ZNF785: variants seen among roughly 807,000 people sequenced by gnomAD.
The protein encoded by ZNF785 is zinc finger protein 785.
ZNF785 carries 15 observed loss-of-function variants against 11.3 expected under a neutral mutation model. The observed-to-expected ratio is 1.32, with a 90% CI of 0.89 to 2.04. The LOEUF is 2.04. ZNF785 is among the 30% of genes most tolerant of loss of function. The pLI is 0.00. For synonymous variants in ZNF785, 221 were observed against 231.0 expected (o/e 0.96, Z 0.39); for missense variants, 572 against 560.9 (o/e 1.02, Z -0.20).
At position 30,581,065 on chromosome 16, in the gene ZNF785, G is replaced by A. The variant is rs1039882937; in HGVS notation, c.*1495C>T. On this transcript the variant is annotated 3_prime_UTR_variant, in exon 3 of 3. Transcript: ENST00000395216. Reference sequence around the variant, plus strand: ...TGTAATCCCAGCTACTCAAGAGGCTGGGGCAGGAGAATCGCTTGAACCTAG... The same window carrying A: ...TGTAATCCCAGCTACTCAAGAGGCTAGGGCAGGAGAATCGCTTGAACCTAG... The A allele has an allele frequency of 6.6e-6, 1 of 152,114 alleles. No homozygotes were observed. Among genetic ancestry groups the A allele is most frequent in the African/African-American group, 2.4e-5 (1 of 41,372 alleles). 9.4% of individuals were successfully genotyped at this position (152,114 alleles called of 1,614,324 possible). A position where few individuals can be genotyped will look rare whatever the true frequency, so the allele number is the denominator to read the frequency against.
chr16:30,580,412 TG>T (rs2051792251), downstream of ZNF785, among the ~76,000 whole-genome samples: 1 of 148,362 alleles, frequency 6.7e-6, no homozygotes, highest in African/African-American at 2.5e-5. Context: ...TGGAGTGCAG[TG>T]GCGCAGTCTC....
At chr16:30,583,634 G>A (rs907640569) in intron 2 of ZNF785, 191 bp from the exon 3 acceptor site, 3 of 630,458 alleles carry the variant, frequency 4.8e-6, no homozygotes, top group African/African-American at 3.7e-5. Flanking sequence ...AGCCAGCCTG[G>A]AGTAAAAGCA....
In ZNF785 at chr16:30,581,861, G is replaced by A. The variant is rs1032044916; in HGVS notation, c.*699C>T. ...CCAGCACTTTGAGACGCCGAGGCGG[G>A]TGGATCACGAGGTCAGGAATTCAAG... is the stretch of plus-strand genomic sequence containing the variant. On this transcript the variant is annotated 3_prime_UTR_variant, in exon 3 of 3. Transcript: ENST00000395216. 2.0e-5 allele frequency: 3 copies of A among 152,346 alleles called. No homozygotes were observed. The highest frequency in any genetic ancestry group is 7.2e-5 in the African/African-American group (3 of 41,458). The allele number at this position is 152,346 out of a possible 1,614,324, so 9.4% of individuals were successfully genotyped here.
In ZNF785 at chr16:30,582,671, G is replaced by A. The variant is rs1039285962; in HGVS notation, c.1107C>T (p.Arg369=). ...RWIHRSCSER[R]AWQQAVVGRS... ...GCCCCACCACGGCCTGCTGCCACGC[G>A]CGCCTCTCGCTGCAGGAGCGGTGGA... is the stretch of plus-strand genomic sequence containing the variant. Residue 369 remains arginine, a synonymous_variant, in exon 3 of 3, where the codon CGC becomes CGT. Transcript: ENST00000395216. The A allele has an allele frequency of 8.1e-6, 13 of 1,614,124 alleles. No individual in the cohort carries two copies. Among genetic ancestry groups the A allele is most frequent in the East Asian group, 2.2e-5 (1 of 44,892 alleles).
rs560246597 is a variant in ZNF785 at position 30,582,465 on chromosome 16, T to C, written c.*95A>G. 4 of 1,524,166 alleles carry C rather than the reference T, an allele frequency of 2.6e-6. No homozygotes were observed. The East Asian group carries it at 9.1e-5, about 35-fold the overall frequency. The allele number at this position is 1,524,166 out of a possible 1,614,324, so 94.4% of individuals were successfully genotyped here. ...TTTTTACCTAAGGCAGAACTTTGTT[T>C]TCCTCAAACGCCCACTTCCTTTCCT... On this transcript the variant is annotated 3_prime_UTR_variant, in exon 3 of 3. Transcript: ENST00000395216.
chr16:30,585,333 A>T lies in ZNF785; in HGVS notation c.205+74T>A. 1.3e-6 allele frequency: 2 copies of T among 1,578,872 alleles called. No homozygotes were observed. The highest frequency in any genetic ancestry group is 1.7e-6 in the Non-Finnish European group (2 of 1,164,606). ...TCCCTCGGCGCCCCGCTTCCAGCCC[A>T]CTAGCCTCTGGGGACACCGATCACC... is the stretch of plus-strand genomic sequence containing the variant. On this transcript the variant is annotated intron_variant, in intron 1 of 2. Transcript: ENST00000395216. This position sits in a 1 kb window ranked among gnomAD's most constrained non-coding sequence, Gnocchi z 4.0.
chr16:30,582,758 G>A lies in ZNF785; in HGVS notation c.1020C>T (p.Phe340=), dbSNP rs752721935. The change falls in exon 3 of 3, where the codon TTC becomes TTT. Residue 340 remains phenylalanine, a synonymous_variant. Coordinates refer to ENST00000395216, the MANE Select transcript of ZNF785 (RefSeq NM_152458.7). Reference sequence around the variant, plus strand: ...AGCCTTTCCCACACTCCACGCAGGGGAAGGGCCGGCTGTCGGAGTGAATGC... The same window carrying A: ...AGCCTTTCCCACACTCCACGCAGGGAAAGGGCCGGCTGTCGGAGTGAATGC... ...HRRIHSDSRP[F]PCVECGKGFK... 16 of 1,607,890 alleles carry A rather than the reference G, an allele frequency of 1.0e-5. No individual in the cohort carries two copies. The highest frequency in any genetic ancestry group is 1.4e-5 in the Non-Finnish European group (16 of 1,175,702).
chr16:30,585,049 C>A lies in ZNF785; in HGVS notation c.334+73G>T. The A allele has an allele frequency of 6.5e-7, 1 of 1,541,532 alleles. No individual in the cohort carries two copies. Among genetic ancestry groups the A allele is most frequent in the Non-Finnish European group, 8.8e-7 (1 of 1,140,388 alleles). On this transcript the variant is annotated intron_variant, in intron 2 of 2. Coordinates refer to ENST00000395216, the MANE Select transcript of ZNF785 (RefSeq NM_152458.7). The surrounding 1 kb of genome is among the most constrained non-coding windows in gnomAD (Gnocchi z 4.0). ...AGGATGGGACTTTGGAGGGGGCAGC[C>A]TGCGCTGAGGATGTGAGTGAGTTGG...
At chr16:30,580,507 A>T (rs1031040290), downstream of ZNF785, 1 of 151,202 alleles carries the variant, frequency 6.6e-6, no homozygotes, top group Non-Finnish European at 1.5e-5. Flanking sequence ...GGCACCTGCC[A>T]CCACTCCTGG....
chr16:30,582,691 G>C lies in ZNF785; in HGVS notation c.1087C>G (p.Arg363Gly), dbSNP rs750712922. 6.2e-7 allele frequency: 1 copy of C among 1,613,996 alleles called. No individual in the cohort carries two copies. Among genetic ancestry groups the C allele is most frequent in the Non-Finnish European group, 8.5e-7 (1 of 1,179,966 alleles). The change falls in exon 3 of 3, where the codon CGC (arginine) becomes GGC (glycine). Residue 363 changes from arginine to glycine, a missense_variant. Arg to Gly is a moderately radical substitution (Grantham distance 125, BLOSUM62 -2). Transcript: ENST00000395216. ...TALEAHRWIH[R>G]SCSERRAWQQ... ...CACGCGCGCCTCTCGCTGCAGGAGC[G>C]GTGGATCCACCGATGGGCTTCCAGG...
chr16:30,585,625 T>A lies in ZNF785; in HGVS notation c.-14A>T. The A allele has an allele frequency of 1.4e-6, 2 of 1,464,660 alleles. No homozygotes were observed. The highest frequency in any genetic ancestry group is 1.4e-5 in the South Asian group (1 of 71,426). The allele number at this position is 1,464,660 out of a possible 1,614,324, so 90.7% of individuals were successfully genotyped here. On this transcript the variant is annotated 5_prime_UTR_variant, in exon 1 of 3. Coordinates refer to ENST00000395216, the MANE Select transcript of ZNF785 (RefSeq NM_152458.7). This position sits in a 1 kb window ranked among gnomAD's most constrained non-coding sequence, Gnocchi z 4.0. ...GGGCGGCCCCATGGGAAACCCTTTCTGCCTGGCAAAGGGAGGCTTCCGGGG... is the reference window on the plus strand; with the variant it reads ...GGGCGGCCCCATGGGAAACCCTTTCAGCCTGGCAAAGGGAGGCTTCCGGGG...
chr16:30,583,112 G>C lies in ZNF785; in HGVS notation c.666C>G (p.His222Gln), dbSNP rs1294370122. 1.2e-6 allele frequency: 2 copies of C among 1,614,170 alleles called. No individual in the cohort carries two copies. The highest frequency in any genetic ancestry group is 8.5e-7 in the Non-Finnish European group (1 of 1,180,012). Reference sequence around the variant, plus strand: ...GGCAGGGGTAGGGCTTCTCGCCGGTGTGGATGAACTGATGCTGGAGCAGGT... The same window carrying C: ...GGCAGGGGTAGGGCTTCTCGCCGGTCTGGATGAACTGATGCTGGAGCAGGT... The part of the protein sequence containing the change: ...RRYLLQHQFI[H>Q]TGEKPYPCPD... The change falls in exon 3 of 3, where the codon CAC becomes CAG. Residue 222 changes from histidine (H) to glutamine (Q), a missense_variant. His to Gln is a conservative substitution (Grantham distance 24). Coordinates refer to ENST00000395216, the MANE Select transcript of ZNF785 (RefSeq NM_152458.7).
At position 30,585,644 on chromosome 16, in the gene ZNF785, T is replaced by G; in HGVS notation, c.-33A>C. 1 of 1,451,930 alleles carries G rather than the reference T, an allele frequency of 6.9e-7. No homozygotes were observed. The allele number at this position is 1,451,930 out of a possible 1,614,324, so 89.9% of individuals were successfully genotyped here. ...CCTTTCTGCCTGGCAAAGGGAGGCT[T>G]CCGGGGAAGGTGGAGATGCTGGCGC... On this transcript the variant is annotated 5_prime_UTR_variant, in exon 1 of 3. Coordinates refer to ENST00000395216, the MANE Select transcript of ZNF785 (RefSeq NM_152458.7). This position sits in a 1 kb window ranked among gnomAD's most constrained non-coding sequence, Gnocchi z 4.0.
rs200338840 is a variant in ZNF785, at chr16:30,582,772, C to T, written c.1006G>A (p.Asp336Asn). The change falls in exon 3 of 3, where the codon GAC becomes AAC. Residue 336 changes from aspartate to asparagine, a missense_variant. Physicochemically the swap from Asp to Asn is conservative, Grantham distance 23 (BLOSUM62 1). Coordinates refer to ENST00000395216, the MANE Select transcript of ZNF785 (RefSeq NM_152458.7). ...LLLSHRRIHS[D>N]SRPFPCVECG... ...TCCACGCAGGGGAAGGGCCGGCTGT[C>T]GGAGTGAATGCGCCGGTGACTGAGG... The T allele has an allele frequency of 2.6e-5, 41 of 1,606,980 alleles. No individual in the cohort carries two copies. Among genetic ancestry groups the T allele is most frequent in the Non-Finnish European group, 3.1e-5 (37 of 1,175,312 alleles).
rs2051886301 is a variant in ZNF785, at chr16:30,585,636, G to GCCTTA, written c.-26_-25insTAAGG. ...TGGGAAACCCTTTCTGCCTGGCAAA[G>GCCTTA]GGAGGCTTCCGGGGAAGGTGGAGAT... On this transcript the variant is annotated 5_prime_UTR_variant, in exon 1 of 3. Transcript: ENST00000395216. The surrounding 1 kb of genome is among the most constrained non-coding windows in gnomAD (Gnocchi z 4.0). 2 of 1,455,684 alleles carry GCCTTA rather than the reference G, an allele frequency of 1.4e-6. No homozygotes were observed. Among genetic ancestry groups the GCCTTA allele is most frequent in the Non-Finnish European group, 1.8e-6 (2 of 1,112,266 alleles). 90.2% of individuals were successfully genotyped at this position (1,455,684 alleles called of 1,614,324 possible).
downstream of ZNF785, among the ~76,000 whole-genome samples, chr16:30,580,496 A>G (rs1043907443): frequency 4.6e-5 from 7 of 151,748 alleles, no homozygotes; most frequent in African/African-American, 1.7e-4. Flanking sequence ...CTGGGACTAC[A>G]GGCACCTGCC....
At chr16:30,579,727 C>T (rs1597145790), downstream of ZNF785, 1 of 447,874 alleles carries the variant, frequency 2.2e-6, no homozygotes, top group Non-Finnish European at 4.5e-6. Flanking sequence ...AAGAAGCAGT[C>T]TTTTCAAAGA....
In ZNF785 at chr16:30,585,028, T is replaced by A; in HGVS notation, c.334+94A>T. The A allele has an allele frequency of 1.3e-6, 2 of 1,495,582 alleles. No homozygotes were observed. The highest frequency in any genetic ancestry group is 1.8e-6 in the Non-Finnish European group (2 of 1,114,084). 92.6% of individuals were successfully genotyped at this position (1,495,582 alleles called of 1,614,324 possible). ...TGGGGTAGGGTGCAGGGAGACAGGA[T>A]GGGACTTTGGAGGGGGCAGCCTGCG... On this transcript the variant is annotated intron_variant, in intron 2 of 2. Coordinates refer to ENST00000395216, the MANE Select transcript of ZNF785 (RefSeq NM_152458.7). This position sits in a 1 kb window ranked among gnomAD's most constrained non-coding sequence, Gnocchi z 4.0.
chr16:30,583,162 G>A lies in ZNF785; in HGVS notation c.616C>T (p.Gln206Ter). 6.2e-7 allele frequency: 1 copy of A among 1,613,650 alleles called. No individual in the cohort carries two copies. The highest frequency in any genetic ancestry group is 8.5e-7 in the Non-Finnish European group (1 of 1,179,804). The change falls in exon 3 of 3, where the codon CAG becomes TAG. Residue 206 changes from glutamine (Q) to a stop codon, truncating the protein, a stop_gained. Coordinates refer to ENST00000395216, the MANE Select transcript of ZNF785 (RefSeq NM_152458.7). LOFTEE classifies it low-confidence loss of function (END_TRUNC). Reference sequence around the variant, plus strand: ...TACCTGCGCTGGGAGAAACGCGCCTGACACTGGCCGCAGGAGAAGGGCCGC... The same window carrying A: ...TACCTGCGCTGGGAGAAACGCGCCTAACACTGGCCGCAGGAGAAGGGCCGC... Reference protein sequence around the residue: ...GERPFSCGQCQARFSQRRYLL... With the variant: ...GERPFSCGQC
Sources: allele counts gnomAD v4.1 joint callset (sites outside exome capture counted in the v4.1 genomes callset), GRCh38; gene constraint gnomAD v4.1.1; non-coding constraint Gnocchi (gnomAD v3.1); transcripts MANE v1.5; gene names NCBI Gene and HGNC (gene_info 2026-07-23, HGNC 2026-07-21).